The following RPRD1B variants were observed in gnomAD, a reference collection of about 807,000 sequenced individuals.
The protein encoded by RPRD1B is regulation of nuclear pre-mRNA domain-containing protein 1B.
A neutral mutation model predicts 41.5 loss-of-function variants in RPRD1B; 11 were observed. The ratio of observed to expected loss-of-function variants is 0.27; its 90% confidence interval spans 0.17 to 0.44. RPRD1B has a LOEUF of 0.44. RPRD1B is among the 20% of genes least tolerant of loss of function. RPRD1B has a pLI of 1.00. For synonymous variants in RPRD1B, 158 were observed against 155.6 expected (o/e 1.02, Z -0.12); for missense variants, 248 against 389.9 (o/e 0.64, Z 3.06).
At chr20:38,057,797 T>C (rs2074259580) in intron 4 of RPRD1B, among the ~76,000 whole-genome samples, 153 bp downstream of exon 4, 1 of 152,240 alleles carries the variant, frequency 6.6e-6, no homozygotes, top group African/African-American at 2.4e-5. Context: ...CAAAGGAGCT[T>C]GCCGGATGGC....
At chr20:38,055,248 G>A (rs2074227155) in intron 3 of RPRD1B, among the ~76,000 whole-genome samples, 1 of 152,174 alleles carries the variant, frequency 6.6e-6, no homozygotes, top group Non-Finnish European at 1.5e-5. Flanking sequence ...GAATTAAAGT[G>A]TGTTTTCTTT....
chr20:38,061,523 C>T (rs1488507643), intron 5 of RPRD1B, among the ~76,000 whole-genome samples: 3 of 152,236 alleles, frequency 2.0e-5, no homozygotes, highest in African/African-American at 7.2e-5. Context: ...CTTTCTCCTG[C>T]ATTCTCCATT....
intron 1 of RPRD1B, among the ~76,000 whole-genome samples, chr20:38,037,697 A>C (rs2074017482): frequency 6.6e-6 from 1 of 152,222 alleles, no homozygotes; most frequent in Admixed American, 6.5e-5. Context: ...TTTATCCTAA[A>C]TAAATCCCCA....
chr20:38,072,808 AC>A (rs923147400), intron 6 of RPRD1B, among the ~76,000 whole-genome samples: 32 of 152,178 alleles, frequency 2.1e-4, no homozygotes, highest in African/African-American at 7.5e-4. Context: ...AATAATGTTA[AC>A]CCCCACCTCT....
In RPRD1B at chr20:38,091,702, A is replaced by G. The variant is rs545937579; in HGVS notation, c.*1827A>G. The G allele has an allele frequency of 2.9e-5, 29 of 985,590 alleles. 1 individual carries two copies. The South Asian group carries it at 6.6e-4, about 22-fold the overall frequency. The allele number at this position is 985,590 out of a possible 1,614,324, so 61.1% of individuals were successfully genotyped here. A position where few individuals can be genotyped will look rare whatever the true frequency, so the allele number is the denominator to read the frequency against. On this transcript the variant is annotated 3_prime_UTR_variant, in exon 7 of 7. Transcript: ENST00000373433. Reference sequence around the variant, plus strand: ...GGAGCAGGCCCATCTGGGACACTCTATGCTTTCACCAAGGAAGTGCGATCT... The same window carrying G: ...GGAGCAGGCCCATCTGGGACACTCTGTGCTTTCACCAAGGAAGTGCGATCT...
chr20:38,052,806 C>T (rs1160522186), intron 3 of RPRD1B, among the ~76,000 whole-genome samples: 2 of 133,828 alleles, frequency 1.5e-5, no homozygotes, highest in South Asian at 4.8e-4. Flanking sequence ...TCAAGTGGAT[C>T]CTCTAGAAGA....
At chr20:38,047,466 G>A (rs1171518327) in intron 2 of RPRD1B, among the ~76,000 whole-genome samples, 1 of 152,110 alleles carries the variant, frequency 6.6e-6, no homozygotes, top group Non-Finnish European at 1.5e-5. Flanking sequence ...CTAAGATGTC[G>A]AGGTATCCCT....
At chr20:38,088,924 TAGG>T (rs1252527698) in intron 6 of RPRD1B, among the ~76,000 whole-genome samples, 5 of 152,102 alleles carry the variant, frequency 3.3e-5, no homozygotes, top group African/African-American at 9.7e-5. Context: ...TTGCTAGGGC[TAGG>T]AGAAGAGAGA....
At chr20:38,053,600 G>A (rs531197367) in intron 3 of RPRD1B, among the ~76,000 whole-genome samples, 3 of 152,270 alleles carry the variant, frequency 2.0e-5, no homozygotes, top group African/African-American at 7.2e-5. Flanking sequence ...TTTGAACTTA[G>A]GAGGAATCTG....
intron 1 of RPRD1B, among the ~76,000 whole-genome samples, chr20:38,037,189 A>G (rs1395136442): frequency 6.6e-6 from 1 of 151,846 alleles, no homozygotes; most frequent in African/African-American, 2.4e-5. Flanking sequence ...TCTATTCCTG[A>G]TGTGTTGTCT....
Position 38,091,362 on chromosome 20 carries a change from C to G in RPRD1B, c.*1487C>G. ...TGTTTATAAAGCATAACGGGCTTCCCTTCCAGAAGCTCTCCTGCTTGTCAT... is the reference window on the plus strand; with the variant it reads ...TGTTTATAAAGCATAACGGGCTTCCGTTCCAGAAGCTCTCCTGCTTGTCAT... On this transcript the variant is annotated 3_prime_UTR_variant, in exon 7 of 7. Coordinates refer to ENST00000373433, the MANE Select transcript of RPRD1B (RefSeq NM_021215.4). 1.0e-6 allele frequency: 1 copy of G among 985,432 alleles called. No homozygotes were observed. The highest frequency in any genetic ancestry group is 1.2e-6 in the Non-Finnish European group (1 of 829,874). 61.0% of individuals were successfully genotyped at this position (985,432 alleles called of 1,614,324 possible).
At position 38,090,136 on chromosome 20, in the gene RPRD1B, C is replaced by A. The variant is rs1167388884; in HGVS notation, c.*261C>A. The stretch of plus-strand genomic sequence containing the variant: ...CTCCCACTTCATATTTTCATGCCCC[C>A]CTGTTGGTTTTCCATTCTTAACTGT... On this transcript the variant is annotated 3_prime_UTR_variant, in exon 7 of 7. Transcript: ENST00000373433. 5.1e-6 allele frequency: 6 copies of A among 1,179,974 alleles called. No individual in the cohort carries two copies. In the African/African-American group the frequency reaches 9.2e-5, roughly 18 times the overall value. 73.1% of individuals were successfully genotyped at this position (1,179,974 alleles called of 1,614,324 possible). A position where few individuals can be genotyped will look rare whatever the true frequency, so the allele number is the denominator to read the frequency against.
At chr20:38,043,063 G>C (rs921546951) in intron 2 of RPRD1B, among the ~76,000 whole-genome samples, 1 of 152,190 alleles carries the variant, frequency 6.6e-6, no homozygotes, top group East Asian at 1.9e-4. Context: ...TATGGATCCA[G>C]ACACGGGGGG....
chr20:38,066,267 T>C lies in RPRD1B; in HGVS notation c.831+11T>C. ...GAGAAAAAACTAGAGGTGAGTGCATTGAAGGCAGACCCAGACTGCCCACGT... is the reference window on the plus strand; with the variant it reads ...GAGAAAAAACTAGAGGTGAGTGCATCGAAGGCAGACCCAGACTGCCCACGT... On this transcript the variant is annotated intron_variant, in intron 6 of 6. Coordinates refer to ENST00000373433, the MANE Select transcript of RPRD1B (RefSeq NM_021215.4). The C allele has an allele frequency of 6.2e-7, 1 of 1,613,388 alleles. No individual in the cohort carries two copies. The highest frequency in any genetic ancestry group is 8.5e-7 in the Non-Finnish European group (1 of 1,179,410).
chr20:38,070,738 ATTTTT>A (rs201175296), intron 6 of RPRD1B: 8 of 892,854 alleles, frequency 9.0e-6, no homozygotes, highest in African/African-American at 4.4e-5. Flanking sequence ...CTTAACTGTG[ATTTTT>A]TTTTTTTTTT....
chr20:38,038,474 T>C (rs2074026543), intron 1 of RPRD1B, among the ~76,000 whole-genome samples: 1 of 139,326 alleles, frequency 7.2e-6, no homozygotes, highest in Non-Finnish European at 1.5e-5. Context: ...CACGCCCGGC[T>C]GATTTTTTTT....
chr20:38,048,119 C>T (rs564629055), intron 2 of RPRD1B, among the ~76,000 whole-genome samples: 1 of 152,232 alleles, frequency 6.6e-6, no homozygotes, highest in East Asian at 1.9e-4. Flanking sequence ...TGGCCATTGA[C>T]TTTTGGTCCT....
chr20:38,053,327 CA>C (rs1568649247), intron 3 of RPRD1B, among the ~76,000 whole-genome samples: 1 of 152,168 alleles, frequency 6.6e-6, no homozygotes, highest in African/African-American at 2.4e-5. Flanking sequence ...CAATACCAGG[CA>C]CTATAACTGC....
intron 3 of RPRD1B, 67 bp downstream of exon 3, chr20:38,048,548 T>G: frequency 6.5e-7 from 1 of 1,542,718 alleles, no homozygotes; most frequent in East Asian, 2.3e-5. Context: ...TATGAAAAGC[T>G]GCAGTGGGGT....
Sources: allele counts gnomAD v4.1 joint callset (sites outside exome capture counted in the v4.1 genomes callset), GRCh38; gene constraint gnomAD v4.1.1; transcripts MANE v1.5; gene names NCBI Gene and HGNC (gene_info 2026-07-23, HGNC 2026-07-21).